PAPPA2: variants seen among roughly 807,000 people sequenced by gnomAD.
PAPPA2 encodes the protein pappalysin 2.
Under a neutral mutation model 176.4 loss-of-function variants are expected in PAPPA2, and 86 were observed. The ratio of observed to expected loss-of-function variants is 0.49; its 90% CI spans 0.41 to 0.58. The LOEUF (loss-of-function observed/expected upper bound fraction) is 0.58, where lower values mean the gene tolerates loss of function less well. PAPPA2 is among the 20% of genes least tolerant of loss of function. The pLI, the probability that PAPPA2 is intolerant of heterozygous loss-of-function variation, is 0.00. For synonymous variants in PAPPA2, 809 were observed against 852.2 expected (o/e 0.95, Z 0.88); for missense variants, 2,073 against 2,256.9 (o/e 0.92, Z 1.65).
chr1:176,699,851 A>G (rs1660566795), intron 8 of PAPPA2, among the ~76,000 whole-genome samples: 1 of 152,338 alleles, frequency 6.6e-6, no homozygotes, highest in African/African-American at 2.4e-5. Flanking sequence ...TGAACTGAAC[A>G]TAATTGCTAC....
intron 1 of PAPPA2, among the ~76,000 whole-genome samples, chr1:176,536,054 T>G (rs1405433439): frequency 6.6e-6 from 1 of 152,154 alleles, no homozygotes; most frequent in African/African-American, 2.4e-5. Context: ...CTAATTAAGC[T>G]AATTAACAAT....
At chr1:176,693,123 GAGA>G (rs1395430815) in intron 6 of PAPPA2, among the ~76,000 whole-genome samples, 1 of 152,192 alleles carries the variant, frequency 6.6e-6, no homozygotes, top group East Asian at 1.9e-4. Flanking sequence ...TGGTTTCACT[GAGA>G]AGGACCAGAA....
At chr1:176,744,635 A>T (rs1257801011) in intron 14 of PAPPA2, among the ~76,000 whole-genome samples, 1 of 152,194 alleles carries the variant, frequency 6.6e-6, no homozygotes, top group Non-Finnish European at 1.5e-5. Context: ...TGGAGAACAG[A>T]TCTCTGACCC....
At chr1:176,510,804 A>AACATATAC (rs1553354247) in intron 1 of PAPPA2, among the ~76,000 whole-genome samples, 1 of 90,408 alleles carries the variant, frequency 1.1e-5, no homozygotes, top group Non-Finnish European at 2.1e-5. Context: ...AATTTAAAGC[A>AACATATAC]ACACATACAC....
At chr1:176,590,705 A>G (rs1320936405) in intron 2 of PAPPA2, among the ~76,000 whole-genome samples, 1 of 152,242 alleles carries the variant, frequency 6.6e-6, no homozygotes, top group East Asian at 1.9e-4. Context: ...CCAGAGCTCA[A>G]TAAGGTGATA....
In PAPPA2 at chr1:176,556,151, G is replaced by T; in HGVS notation, c.-172G>T. ...CCACACTGGCAGAGCGGCCAGCACA[G>T]GTAGCCAGCAGAGGCATTCTTGGGG... On this transcript the variant is annotated 5_prime_UTR_variant, in exon 2 of 23. It adds an upstream start codon to the 5' untranslated region. Transcript: ENST00000367662. 1.3e-6 allele frequency: 1 copy of T among 752,500 alleles called. No homozygotes were observed. The highest frequency in any genetic ancestry group is 1.8e-5 in the South Asian group (1 of 54,148). The allele number at this position is 752,500 out of a possible 1,614,324, so 46.6% of individuals were successfully genotyped here. A position where few individuals can be genotyped will look rare whatever the true frequency, so the allele number is the denominator to read the frequency against.
intron 12 of PAPPA2, among the ~76,000 whole-genome samples, chr1:176,735,164 A>T (rs1411616647): frequency 2.0e-5 from 3 of 152,130 alleles, no homozygotes; most frequent in African/African-American, 7.2e-5. Context: ...AATATCAAAA[A>T]GGAATAAAAT....
chr1:176,633,455 G>T (rs1034858271), intron 3 of PAPPA2, among the ~76,000 whole-genome samples: 1 of 152,138 alleles, frequency 6.6e-6, no homozygotes, highest in African/African-American at 2.4e-5. Context: ...TTGAAAACCT[G>T]AAGAGGAATT....
chr1:176,787,832 G>T (rs892979975), intron 17 of PAPPA2, among the ~76,000 whole-genome samples: 1 of 151,832 alleles, frequency 6.6e-6, no homozygotes, highest in African/African-American at 2.4e-5. Context: ...AGGCTGAGGC[G>T]GGTGGATCAC....
At chr1:176,510,135 A>C (rs1439729315) in intron 1 of PAPPA2, among the ~76,000 whole-genome samples, 1 of 152,222 alleles carries the variant, frequency 6.6e-6, no homozygotes, top group East Asian at 1.9e-4. Flanking sequence ...ATATTTGAGA[A>C]GTACAAGGCA....
chr1:176,763,032 A>G (rs1044229270), intron 14 of PAPPA2, among the ~76,000 whole-genome samples: 8 of 152,222 alleles, frequency 5.3e-5, no homozygotes, highest in Admixed American at 5.2e-4. Context: ...CAACTTTAGC[A>G]TATTTAGTCT....
chr1:176,718,275 TTTTTC>T (rs1571222109), intron 12 of PAPPA2, among the ~76,000 whole-genome samples: 1 of 152,148 alleles, frequency 6.6e-6, no homozygotes, highest in East Asian at 1.9e-4. Flanking sequence ...AATAAGGATA[TTTTTC>T]ACTCATGCTA....
At chr1:176,526,241 C>T (rs79215517) in intron 1 of PAPPA2, among the ~76,000 whole-genome samples, 2,628 of 152,298 alleles carry the variant, frequency 0.017, 74 homozygotes, top group African/African-American at 0.06. Context: ...GGGGCCATTG[C>T]CGGCTGTGGA....
intron 3 of PAPPA2, among the ~76,000 whole-genome samples, chr1:176,670,674 C>G (rs1308221132): frequency 6.6e-6 from 1 of 152,106 alleles, no homozygotes; most frequent in Non-Finnish European, 1.5e-5. Context: ...TTAGATTTAT[C>G]TTGAAGAAAT....
chr1:176,546,677 A>T (rs1650654646), intron 1 of PAPPA2, among the ~76,000 whole-genome samples: 1 of 152,250 alleles, frequency 6.6e-6, no homozygotes, highest in Non-Finnish European at 1.5e-5. Context: ...TCTCATGTGA[A>T]CAAAAGCTAA....
rs759182886 is a variant in PAPPA2, at chr1:176,556,293, T to A, written c.-30T>A. The A allele has an allele frequency of 1.9e-6, 3 of 1,596,382 alleles. No individual in the cohort carries two copies. Among genetic ancestry groups the A allele is most frequent in the South Asian group, 2.3e-5 (2 of 88,012 alleles). ...CTGGTGTGGTACCCAGAAGTTGACTTCTGGTTCTGTAGAAAGAGCTAGGGG... is the reference window on the plus strand; with the variant it reads ...CTGGTGTGGTACCCAGAAGTTGACTACTGGTTCTGTAGAAAGAGCTAGGGG... On this transcript the variant is annotated 5_prime_UTR_variant, in exon 2 of 23. Transcript: ENST00000367662.
chr1:176,467,494 A>G (rs369411532), intron 1 of PAPPA2, among the ~76,000 whole-genome samples: 1 of 152,204 alleles, frequency 6.6e-6, no homozygotes, highest in African/African-American at 2.4e-5. Context: ...CTGCTTTCAC[A>G]TTAGGAAGAC....
intron 1 of PAPPA2, among the ~76,000 whole-genome samples, chr1:176,511,822 TA>T (rs1174243805): frequency 6.6e-6 from 1 of 152,192 alleles, no homozygotes; most frequent in Non-Finnish European, 1.5e-5. Context: ...AACTGGGATT[TA>T]TACCATCAGC....
intron 1 of PAPPA2, among the ~76,000 whole-genome samples, chr1:176,523,246 T>C (rs1649301495): frequency 6.6e-6 from 1 of 152,162 alleles, no homozygotes; most frequent in African/African-American, 2.4e-5. Context: ...TACCAGCCTT[T>C]TCCCACTTTC....
Sources: gnomAD v4.1 joint callset for allele counts (sites outside exome capture counted in the v4.1 genomes callset) on GRCh38, gnomAD v4.1.1 for gene constraint, MANE v1.5 for transcripts, NCBI Gene and HGNC (gene_info 2026-07-23, HGNC 2026-07-21) for gene names.